Variants in TAF4B observed in about 807,000 individuals in gnomAD.
TAF4B encodes TATA-box binding protein associated factor 4b, also known as transcription initiation factor TFIID subunit 4B.
A neutral mutation model predicts 86.4 loss-of-function variants in TAF4B; 38 were observed. That is an observed-to-expected ratio of 0.44 (90% CI 0.34 to 0.58). TAF4B has a LOEUF of 0.58. Among genes scored for constraint, TAF4B ranks in the 20% least tolerant of loss-of-function variants. TAF4B has a pLI of 0.02. For missense variants in TAF4B, 988 were observed against 1,027.6 expected, an observed-to-expected ratio of 0.96 and a Z score of 0.53; for synonymous variants, 388 against 391.2, an observed-to-expected ratio of 0.99 and a Z score of 0.10.
chr18:26,259,936 C>A (rs929080372), intron 1 of TAF4B, among the ~76,000 whole-genome samples: 4 of 152,200 alleles, frequency 2.6e-5, no homozygotes, highest in African/African-American at 9.7e-5. Flanking sequence ...CACATCCTCT[C>A]CAGCACCTGT....
chr18:26,289,573 A>T (rs2056567584), intron 7 of TAF4B, among the ~76,000 whole-genome samples: 1 of 152,016 alleles, frequency 6.6e-6, no homozygotes, highest in South Asian at 2.1e-4. Context: ...TGCAGTCTTG[A>T]CTTTCCGGGC....
intron 14 of TAF4B, among the ~76,000 whole-genome samples, chr18:26,369,350 A>G (rs1219633478): frequency 6.6e-6 from 1 of 152,224 alleles, no homozygotes; most frequent in Non-Finnish European, 1.5e-5. Context: ...ACTGAAAGAA[A>G]TAAGCAATGA....
chr18:26,231,124 T>C (rs2016858), intron 1 of TAF4B, among the ~76,000 whole-genome samples: 145,536 of 145,536 alleles, frequency 1, 72,768 homozygotes, highest in Non-Finnish European at 1. Context: ...ACCACAACCT[T>C]TGCCTCCCGG....
intron 8 of TAF4B, 30 bp downstream of exon 8, chr18:26,292,411 T>C (rs1316022108): frequency 1.3e-6 from 2 of 1,595,116 alleles, no homozygotes; most frequent in Non-Finnish European, 8.5e-7. Flanking sequence ...AGTCCCATCA[T>C]GCTGGGTTAG....
chr18:26,242,082 C>T (rs560871807), intron 1 of TAF4B, among the ~76,000 whole-genome samples: 3 of 152,274 alleles, frequency 2.0e-5, no homozygotes, highest in African/African-American at 7.2e-5. Context: ...GTGGAGAGTT[C>T]TGTAGATGTC....
chr18:26,283,232 A>G (rs1287328315), intron 6 of TAF4B, among the ~76,000 whole-genome samples: 1 of 152,162 alleles, frequency 6.6e-6, no homozygotes, highest in Non-Finnish European at 1.5e-5. Context: ...ATCACTGTCT[A>G]TGGCAGCCGT....
chr18:26,332,446 C>CTTTTG (rs148199784), intron 12 of TAF4B, among the ~76,000 whole-genome samples: 2,665 of 152,008 alleles, frequency 0.018, 67 homozygotes, highest in East Asian at 0.11. Context: ...TGGCCAGAGC[C>CTTTTG]TTTTGTTTTG....
intron 9 of TAF4B, among the ~76,000 whole-genome samples, chr18:26,309,768 A>G (rs1285503481): frequency 6.6e-6 from 1 of 152,176 alleles, no homozygotes; most frequent in African/African-American, 2.4e-5. Context: ...TTTTACAGAT[A>G]AGGGGATCAA....
chr18:26,334,444 G>A (rs561112322), intron 12 of TAF4B, among the ~76,000 whole-genome samples: 47 of 152,204 alleles, frequency 3.1e-4, no homozygotes, highest in African/African-American at 1.1e-3. Context: ...AAGGATATAC[G>A]TATCCCAAAC....
intron 14 of TAF4B, among the ~76,000 whole-genome samples, chr18:26,384,250 T>G (rs1962616010): frequency 6.6e-6 from 1 of 152,224 alleles, no homozygotes; most frequent in South Asian, 2.1e-4. Context: ...TAAGAAATTC[T>G]CAGTTTTTGT....
intron 9 of TAF4B, among the ~76,000 whole-genome samples, chr18:26,308,976 T>C (rs2056826099): frequency 6.6e-6 from 1 of 150,714 alleles, no homozygotes; most frequent in African/African-American, 2.4e-5. Context: ...GATAACTAAA[T>C]ATTTCCTAGT....
intron 9 of TAF4B, among the ~76,000 whole-genome samples, chr18:26,298,510 G>C (rs545127172): frequency 6.6e-6 from 1 of 152,048 alleles, no homozygotes; most frequent in Non-Finnish European, 1.5e-5. Context: ...GGGATTACAG[G>C]TGTGAGCCAC....
intron 1 of TAF4B, among the ~76,000 whole-genome samples, chr18:26,243,531 C>G (rs190140876): frequency 6.6e-6 from 1 of 152,252 alleles, no homozygotes; most frequent in Admixed American, 6.5e-5. Context: ...CAAACATCCT[C>G]CTTTAGCTCA....
intron 13 of TAF4B, among the ~76,000 whole-genome samples, chr18:26,341,828 A>AT (rs2057139308): frequency 6.6e-6 from 1 of 152,102 alleles, no homozygotes; most frequent in African/African-American, 2.4e-5. Context: ...TGGACTGGTG[A>AT]TTTTTTAAAA....
At chr18:26,374,214 T>C (rs1222423001) in intron 14 of TAF4B, among the ~76,000 whole-genome samples, 1 of 152,230 alleles carries the variant, frequency 6.6e-6, no homozygotes, top group African/African-American at 2.4e-5. Flanking sequence ...ATTTTTTTCT[T>C]CATATCACTT....
chr18:26,264,264 C>A (rs2056208611), intron 1 of TAF4B, among the ~76,000 whole-genome samples: 1 of 152,094 alleles, frequency 6.6e-6, no homozygotes, highest in Non-Finnish European at 1.5e-5. Flanking sequence ...CATGGCAAAA[C>A]CTCATCTCTA....
rs578037514 is a variant in TAF4B, at chr18:26,289,473, GT to G, written c.1591-2769del. On this transcript the variant is annotated intron_variant, in intron 7 of 14. Transcript: ENST00000269142. ...TTTCTCATTTGCGTTTGTTTTGTTTGTTTTGTTTTGTTTCGTTTCGCTTTGT... is the reference window on the plus strand; with the variant it reads ...TTTCTCATTTGCGTTTGTTTTGTTTGTTTGTTTTGTTTCGTTTCGCTTTGT... Among the ~76,000 whole-genome samples, 80 of 152,062 alleles carry G rather than the reference GT, an allele frequency of 5.3e-4. 1 individual carries two copies. Among genetic ancestry groups the G allele is most frequent in the African/African-American group, 1.9e-3 (79 of 41,500 alleles).
At chr18:26,322,923 G>A (rs546697499) in intron 11 of TAF4B, among the ~76,000 whole-genome samples, 1 of 151,846 alleles carries the variant, frequency 6.6e-6, no homozygotes, top group South Asian at 2.1e-4. Flanking sequence ...ATAAGTTTTG[G>A]TATGTTGTGT....
At chr18:26,315,097 T>TCTCC (rs2056888962) in intron 9 of TAF4B, 132 bp from the exon 10 acceptor site, 1 of 154,516 alleles carries the variant, frequency 6.5e-6, no homozygotes, top group Non-Finnish European at 9.8e-6. Flanking sequence ...TCTCTGAAAC[T>TCTCC]CTCTCTCTCT....
Sources: gnomAD v4.1 joint callset for allele counts (sites outside exome capture counted in the v4.1 genomes callset) on GRCh38, gnomAD v4.1.1 for gene constraint, MANE v1.5 for transcripts, NCBI Gene and HGNC (gene_info 2026-07-23, HGNC 2026-07-21) for gene names.